Variants in UBR2 observed in about 807,000 individuals in gnomAD.
The protein encoded by UBR2 is E3 ubiquitin-protein ligase UBR2.
A neutral mutation model predicts 247.9 loss-of-function variants in UBR2; 92 were observed. The observed-to-expected ratio is 0.37, with a 90% CI of 0.31 to 0.44. UBR2 has a LOEUF of 0.44. Among genes scored for constraint, UBR2 ranks in the 20% least tolerant of loss-of-function variants. The pLI is 1.00. For missense variants in UBR2, 1,613 were observed against 2,112.6 expected (o/e 0.76, Z 4.64); for synonymous variants, 672 against 693.5 (o/e 0.97, Z 0.49).
intron 1 of UBR2, among the ~76,000 whole-genome samples, 198 bp downstream of exon 1, chr6:42,564,595 T>C (rs1040896171): frequency 6.6e-6 from 1 of 152,198 alleles, no homozygotes; most frequent in African/African-American, 2.4e-5. Flanking sequence ...CTGCCAGAGC[T>C]GCGCTGTGCA....
intron 24 of UBR2, 41 bp from the exon 25 acceptor site, chr6:42,652,450 T>C (rs779691208): frequency 5.1e-6 from 8 of 1,566,788 alleles, no homozygotes; most frequent in Non-Finnish European, 6.0e-6. Flanking sequence ...TTCTAAAGCA[T>C]GTTCTGTAAA....
chr6:42,651,648 G>A (rs1288519887), intron 23 of UBR2, among the ~76,000 whole-genome samples: 4 of 151,900 alleles, frequency 2.6e-5, no homozygotes, highest in Admixed American at 6.6e-5. Context: ...GTGCCACCAC[G>A]CCCAGCCAAT....
intron 34 of UBR2, among the ~76,000 whole-genome samples, chr6:42,666,614 C>G (rs962722841): frequency 9.2e-5 from 14 of 152,102 alleles, no homozygotes; most frequent in Non-Finnish European, 8.8e-5. Context: ...ATTGCTGACC[C>G]CTGCCACACC....
rs1582507851 is a variant in UBR2, at chr6:42,604,877, A to G, written c.663-844A>G. On this transcript the variant is annotated intron_variant, in intron 5 of 46. Coordinates refer to ENST00000372901, the MANE Select transcript of UBR2 (RefSeq NM_001363705.2). ...CCCCGCCTCTACAAAAAATTAAAAA[A>G]TTAGCTGGGCAGGGTAGTGCATGCC... 2.0e-5 allele frequency among the ~76,000 whole-genome samples: 3 copies of G among 152,230 alleles called. No homozygotes were observed. In the South Asian group the frequency reaches 6.2e-4, roughly 32 times the overall value.
In UBR2 at chr6:42,575,111, G is replaced by A. The variant is rs188738320; in HGVS notation, c.338+1118G>A. 8.9e-4 allele frequency among the ~76,000 whole-genome samples: 135 copies of A among 152,236 alleles called. 1 individual carries two copies. Among genetic ancestry groups the A allele is most frequent in the African/African-American group, 3.1e-3 (128 of 41,550 alleles). ...TATACTGAGCTAAATTTTCTTTTCT[G>A]TATTTAACCATAGCTTAACATCTTT... On this transcript the variant is annotated intron_variant, in intron 2 of 46. Coordinates refer to ENST00000372901, the MANE Select transcript of UBR2 (RefSeq NM_001363705.2).
chr6:42,636,256 C>T (rs750968297), intron 14 of UBR2, among the ~76,000 whole-genome samples: 2 of 149,502 alleles, frequency 1.3e-5, no homozygotes, highest in Non-Finnish European at 3.0e-5. Context: ...CGGCTCACTG[C>T]AGCCTCAACC....
At chr6:42,596,244 A>T (rs931900724) in intron 4 of UBR2, among the ~76,000 whole-genome samples, 2 of 151,402 alleles carry the variant, frequency 1.3e-5, no homozygotes, top group Non-Finnish European at 2.9e-5. Context: ...ATCAACAAAC[A>T]CATGAAAAGA....
chr6:42,659,929 ATT>A lies in UBR2; in HGVS notation c.3442+79_3442+80del. 6.9e-7 allele frequency: 1 copy of A among 1,456,208 alleles called. No individual in the cohort carries two copies. Among genetic ancestry groups the A allele is most frequent in the Non-Finnish European group, 9.5e-7 (1 of 1,054,938 alleles). 90.2% of individuals were successfully genotyped at this position (1,456,208 alleles called of 1,614,324 possible). A position where few individuals can be genotyped will look rare whatever the true frequency, so the allele number is the denominator to read the frequency against. ...TTAATGTGGTTGGTGATACGTTGAG[ATT>A]TTTTAAACCTAAAAATAACTCCATG... is the stretch of plus-strand genomic sequence containing the variant. On this transcript the variant is annotated intron_variant, in intron 30 of 46. Transcript: ENST00000372901. This position sits in a 1 kb window ranked among gnomAD's most constrained non-coding sequence, Gnocchi z 4.3.
chr6:42,619,897 T>A (rs904561611), intron 11 of UBR2: 99 of 839,764 alleles, frequency 1.2e-4, no homozygotes, highest in Non-Finnish European at 1.3e-4. Flanking sequence ...TTAACATTTT[T>A]AAATTAAGCT....
In UBR2 at chr6:42,635,553, T is replaced by G. The variant is rs1241025861; in HGVS notation, c.1674+7T>G. 6.2e-7 allele frequency: 1 copy of G among 1,601,446 alleles called. No homozygotes were observed. The highest frequency in any genetic ancestry group is 1.7e-5 in the Admixed American group (1 of 59,876). On this transcript the variant is annotated splice_region_variant and intron_variant, in intron 14 of 46. Coordinates refer to ENST00000372901, the MANE Select transcript of UBR2 (RefSeq NM_001363705.2). ...GGACTGGTGTGCTTCAGATGTGAGT[T>G]TCTTCTGGGTGCGGGGAATAGGAGG...
At chr6:42,651,012 A>T (rs1256312217) in intron 23 of UBR2, among the ~76,000 whole-genome samples, 3 of 152,092 alleles carry the variant, frequency 2.0e-5, no homozygotes, top group African/African-American at 7.2e-5. Flanking sequence ...GCTTGAGCTC[A>T]GGAGTTCGAG....
intron 7 of UBR2, among the ~76,000 whole-genome samples, chr6:42,608,472 T>A (rs929497037): frequency 7.2e-5 from 11 of 151,782 alleles, no homozygotes; most frequent in African/African-American, 2.7e-4. Context: ...CAAAAAAAAA[T>A]TTAAAAAATT....
Position 42,575,763 on chromosome 6 carries a change from G to A in UBR2, c.338+1770G>A, listed in dbSNP as rs184233320. Among the ~76,000 whole-genome samples the A allele has an allele frequency of 6.0e-4, 91 of 152,248 alleles. No individual in the cohort carries two copies. In the Middle Eastern group the frequency reaches 0.014, roughly 23 times the overall value. On this transcript the variant is annotated intron_variant, in intron 2 of 46. Transcript: ENST00000372901. ...TGGTGATATTGATCACTTGATTAAA[G>A]GGATGTCTGCAAGACTTCTCCACTG...
chr6:42,573,180 GAGAA>G (rs1437979075), intron 1 of UBR2, among the ~76,000 whole-genome samples: 1 of 152,114 alleles, frequency 6.6e-6, no homozygotes, highest in Non-Finnish European at 1.5e-5. Flanking sequence ...AAGTTGATCA[GAGAA>G]AGAAGGCATA....
Position 42,678,520 on chromosome 6 carries a change from T to C in UBR2, c.4479-19T>C. On this transcript the variant is annotated intron_variant, in intron 40 of 46. Coordinates refer to ENST00000372901, the MANE Select transcript of UBR2 (RefSeq NM_001363705.2). ...CTTTTCTTAGTAGATTTCCCAATAA[T>C]CTTTTTTTTCTTTTTTAGTGCCTTG... is the stretch of plus-strand genomic sequence containing the variant. 6.3e-7 allele frequency: 1 copy of C among 1,597,512 alleles called. No individual in the cohort carries two copies. Among genetic ancestry groups the C allele is most frequent in the South Asian group, 1.1e-5 (1 of 86,982 alleles).
intron 1 of UBR2, among the ~76,000 whole-genome samples, chr6:42,565,616 AG>A (rs1790734860): frequency 1.3e-5 from 2 of 152,144 alleles, no homozygotes; most frequent in Non-Finnish European, 2.9e-5. Context: ...GCTGGAGTGC[AG>A]TGGCGCGATC....
chr6:42,657,898 G>A, intron 26 of UBR2, 126 bp from the exon 27 acceptor site: 1 of 628,478 alleles, frequency 1.6e-6, no homozygotes, highest in Non-Finnish European at 2.7e-6. Context: ...TCTCTATTTT[G>A]GTAGAGCCAT....
Position 42,580,494 on chromosome 6 carries a change from G to A in UBR2, c.338+6501G>A, listed in dbSNP as rs562918265. 2.0e-5 allele frequency among the ~76,000 whole-genome samples: 3 copies of A among 152,076 alleles called. No homozygotes were observed. The East Asian group carries it at 5.8e-4, about 29-fold the overall frequency. ...CTTGGCCCCTCTGTGAGTTTTGAGT[G>A]TTTTTTCTTAAGGGAATATTTACAT... On this transcript the variant is annotated intron_variant, in intron 2 of 46. Coordinates refer to ENST00000372901, the MANE Select transcript of UBR2 (RefSeq NM_001363705.2).
chr6:42,584,223 C>T (rs111849487), intron 2 of UBR2, among the ~76,000 whole-genome samples: 3,328 of 151,686 alleles, frequency 0.022, 113 homozygotes, highest in African/African-American at 0.075. Flanking sequence ...CTCAAACTCC[C>T]GACCTCAGGT....
Sources: gnomAD v4.1 joint callset for allele counts (sites outside exome capture counted in the v4.1 genomes callset) on GRCh38, gnomAD v4.1.1 for gene constraint, Gnocchi (gnomAD v3.1) non-coding constraint, MANE v1.5 for transcripts, NCBI Gene and HGNC (gene_info 2026-07-23, HGNC 2026-07-21) for gene names.